ENPP2: variants seen among roughly 807,000 people sequenced by gnomAD.
ENPP2 encodes autotaxin.
In ENPP2, 51 loss-of-function variants were observed where a neutral mutation model predicts 120.2. That is an observed-to-expected ratio of 0.42 (90% CI 0.34 to 0.54). The LOEUF (loss-of-function observed/expected upper bound fraction) is 0.54, where lower values mean the gene tolerates loss of function less well. Among genes scored for constraint, ENPP2 ranks in the 20% least tolerant of loss-of-function variants. The pLI is 0.04. For synonymous variants in ENPP2, 365 were observed against 366.4 expected, an observed-to-expected ratio of 1.00 and a Z score of 0.04; for missense variants, 920 against 1,066.5, an observed-to-expected ratio of 0.86 and a Z score of 1.91.
intron 1 of ENPP2, 95 bp downstream of exon 1, chr8:119,638,653 G>A: frequency 1.0e-6 from 1 of 1,003,706 alleles, no homozygotes; most frequent in South Asian, 1.3e-5. Context: ...GCATAATAAG[G>A]TGCTATCTTA....
chr8:119,658,098 A>G (rs1331163256), intron 1 of ENPP2, among the ~76,000 whole-genome samples: 4 of 152,276 alleles, frequency 2.6e-5, no homozygotes, highest in Non-Finnish European at 5.9e-5. Context: ...AGTGAAAAGT[A>G]AACAGTTTTT....
intron 4 of ENPP2, among the ~76,000 whole-genome samples, chr8:119,620,004 A>C (rs1815772253): frequency 6.6e-6 from 1 of 152,226 alleles, no homozygotes; most frequent in African/African-American, 2.4e-5. Flanking sequence ...AACAGAAGTA[A>C]AATTTGTAAC....
rs746187066 is a variant in ENPP2, at chr8:119,617,215, C to A, written c.606G>T (p.Met202Ile). 1 of 1,613,718 alleles carries A rather than the reference C, an allele frequency of 6.2e-7. No individual in the cohort carries two copies. The highest frequency in any genetic ancestry group is 8.5e-7 in the Non-Finnish European group (1 of 1,179,670). ...AGGTTTTAGTTGGGTACACCGGCCT[C>A]ATGTAGGGAGAGTGTGTGCCACAAG... is the stretch of plus-strand genomic sequence containing the variant. ...LRSCGTHSPY[M>I]RPVYPTKTFP... The change falls in exon 7 of 25, where the codon ATG becomes ATT. Residue 202 changes from methionine (M) to isoleucine (I), a missense_variant. Transcript: ENST00000075322.
chr8:119,629,613 A>G (rs1277921840), intron 2 of ENPP2, among the ~76,000 whole-genome samples: 1 of 152,202 alleles, frequency 6.6e-6, no homozygotes, highest in African/African-American at 2.4e-5. Context: ...ACACTTTTGC[A>G]TGGTTGCTCC....
At chr8:119,628,858 T>C (rs1816459838) in intron 2 of ENPP2, among the ~76,000 whole-genome samples, 2 of 152,196 alleles carry the variant, frequency 1.3e-5, no homozygotes, top group African/African-American at 4.8e-5. Flanking sequence ...ACAAACTTTT[T>C]CCTTCTGTAA....
At chr8:119,576,088 T>C (rs1812316772) in intron 19 of ENPP2, among the ~76,000 whole-genome samples, 1 of 152,202 alleles carries the variant, frequency 6.6e-6, no homozygotes, top group Non-Finnish European at 1.5e-5. Flanking sequence ...TCTGTAGCCA[T>C]ATTCAGGACT....
At chr8:119,613,217 C>T (rs952810989) in intron 8 of ENPP2, among the ~76,000 whole-genome samples, 5 of 152,146 alleles carry the variant, frequency 3.3e-5, no homozygotes, top group African/African-American at 9.7e-5. Flanking sequence ...CTACAGCAAA[C>T]GACTGCTTCT....
chr8:119,673,175 T>C (rs1818303903), intron 1 of ENPP2: 1 of 1,316,106 alleles, frequency 7.6e-7, no homozygotes, highest in African/African-American at 1.5e-5. Context: ...TGCAAGGTTT[T>C]TCTGCTTGAC....
At chr8:119,624,918 G>C (rs957508336) in intron 3 of ENPP2, among the ~76,000 whole-genome samples, 3 of 152,044 alleles carry the variant, frequency 2.0e-5, no homozygotes, top group African/African-American at 7.2e-5. Context: ...TTTGATATTT[G>C]ATTCCTTCAC....
At position 119,593,026 on chromosome 8, in the gene ENPP2, G is replaced by A; in HGVS notation, c.1081+726C>T. 1.7e-5 allele frequency: 15 copies of A among 885,874 alleles called. No individual in the cohort carries two copies. The South Asian group carries it at 6.2e-4, about 37-fold the overall frequency. The allele number at this position is 885,874 out of a possible 1,614,324, so 54.9% of individuals were successfully genotyped here. ...CCAATGCTACTGTTTCAATCTAATA[G>A]TTCCGGAATACAGGAGATACCCTTT... On this transcript the variant is annotated intron_variant, in intron 12 of 24. Transcript: ENST00000075322.
intron 19 of ENPP2, chr8:119,578,318 T>G (rs1012550091): frequency 4.6e-5 from 7 of 152,090 alleles, no homozygotes; most frequent in African/African-American, 1.7e-4. Flanking sequence ...CCTCCTAGAG[T>G]GCTGGGATTA....
rs146518089 is a variant in ENPP2, at chr8:119,670,188, A to C, written c.21+3064T>G. ...TGGGGAAGGTTAGGATAGGTGCAGTAGCAATAGGAGAAGCCCACCTGTTGA... is the reference window on the plus strand; with the variant it reads ...TGGGGAAGGTTAGGATAGGTGCAGTCGCAATAGGAGAAGCCCACCTGTTGA... On this transcript the variant is annotated intron_variant, in intron 1 of 25. Coordinates refer to the ENPP2 transcript ENST00000427067. Among the ~76,000 whole-genome samples the C allele has an allele frequency of 2.3e-3, 349 of 152,346 alleles. 2 individuals carry two copies. Among genetic ancestry groups the C allele is most frequent in the African/African-American group, 8.0e-3 (331 of 41,578 alleles).
rs536296222 is a variant in ENPP2 at position 119,604,217 on chromosome 8, G to A, written c.834-2755C>T. On this transcript the variant is annotated intron_variant, in intron 9 of 24. Transcript: ENST00000075322. The stretch of plus-strand genomic sequence containing the variant: ...TAATTTTTGTATTTTTAGTAGAGAC[G>A]GGGTTTCACCATGTTGGCCAGGCTG... Among the ~76,000 whole-genome samples, 220 of 151,982 alleles carry A rather than the reference G, an allele frequency of 1.4e-3. 2 individuals carry two copies. The highest frequency in any genetic ancestry group is 5.0e-3 in the African/African-American group (207 of 41,486).
intron 9 of ENPP2, among the ~76,000 whole-genome samples, chr8:119,604,878 A>G (rs1454174806): frequency 6.6e-6 from 1 of 151,988 alleles, no homozygotes; most frequent in Non-Finnish European, 1.5e-5. Context: ...GGTTCACACC[A>G]TTCTCCTGCC....
At chr8:119,569,727 A>T (rs1814795526) in intron 20 of ENPP2, among the ~76,000 whole-genome samples, 1 of 127,244 alleles carries the variant, frequency 7.9e-6, no homozygotes, top group African/African-American at 2.9e-5. Flanking sequence ...TATCTCCTCT[A>T]AATAGACTAT....
At chr8:119,595,957 T>C (rs780633360) in intron 11 of ENPP2, 1 of 1,614,040 alleles carries the variant, frequency 6.2e-7, no homozygotes, top group Non-Finnish European at 8.5e-7. Context: ...GCAACTTTCC[T>C]CTTAGGTCTC....
chr8:119,664,870 G>A (rs1038806360), intron 1 of ENPP2, among the ~76,000 whole-genome samples: 1 of 152,136 alleles, frequency 6.6e-6, no homozygotes, highest in African/African-American at 2.4e-5. Flanking sequence ...AAACCTAGGA[G>A]GTGGAGGTTG....
intron 9 of ENPP2, among the ~76,000 whole-genome samples, chr8:119,605,430 A>ATGTGTGTGTGTGTGTGTG (rs573767269): frequency 3.1e-4 from 42 of 133,814 alleles, no homozygotes; most frequent in African/African-American, 1.2e-3. Flanking sequence ...GATACCATAT[A>ATGTGTGTGTGTGTGTGTG]TGTGTGTGTG....
intron 11 of ENPP2, among the ~76,000 whole-genome samples, chr8:119,599,859 T>C (rs1282931115): frequency 6.6e-6 from 1 of 151,904 alleles, no homozygotes; most frequent in African/African-American, 2.4e-5. Context: ...ATACAAAAAT[T>C]AGCCGAGCAT....
Sources: gnomAD v4.1 joint callset for allele counts (sites outside exome capture counted in the v4.1 genomes callset) on GRCh38, gnomAD v4.1.1 for gene constraint, MANE v1.5 for transcripts, NCBI Gene and HGNC (gene_info 2026-07-23, HGNC 2026-07-21) for gene names.